Variants in PTPN3 observed in about 807,000 individuals in gnomAD.
The protein encoded by PTPN3 is protein tyrosine phosphatase non-receptor type 3.
In PTPN3, 96 loss-of-function variants were observed where a neutral mutation model predicts 132.7. The observed-to-expected ratio is 0.72, with a 90% CI of 0.61 to 0.86. PTPN3 has a LOEUF of 0.86. Ranked by LOEUF, PTPN3 falls within the 40% of genes least tolerant of loss-of-function variation. The pLI, the probability that PTPN3 is intolerant of heterozygous loss-of-function variation, is 0.00. For synonymous variants in PTPN3, 398 were observed against 429.0 expected (o/e 0.93, Z 0.89); for missense variants, 1,125 against 1,159.6 (o/e 0.97, Z 0.43).
chr9:109,491,657 T>C (rs1427972558), intron 1 of PTPN3, among the ~76,000 whole-genome samples: 3 of 152,216 alleles, frequency 2.0e-5, no homozygotes, highest in Admixed American at 6.5e-5. Flanking sequence ...AAAAGTGCTA[T>C]AATGGAGAGA....
chr9:109,379,678 T>G (rs754926897), intron 25 of PTPN3, 45 bp from the exon 26 acceptor site: 1 of 1,504,906 alleles, frequency 6.6e-7, no homozygotes, highest in Non-Finnish European at 9.3e-7. Context: ...CTCCAGGAAA[T>G]GCTGCCTACC....
intron 1 of PTPN3, among the ~76,000 whole-genome samples, chr9:109,471,671 C>CTT (rs34232860): frequency 1.6e-3 from 230 of 147,296 alleles, no homozygotes; most frequent in Middle Eastern, 3.5e-3. Flanking sequence ...ATGGAAGGCA[C>CTT]TTTTTTTTTT....
At chr9:109,494,668 C>G (rs1847604479) in intron 1 of PTPN3, among the ~76,000 whole-genome samples, 1 of 152,162 alleles carries the variant, frequency 6.6e-6, no homozygotes, top group Non-Finnish European at 1.5e-5. Context: ...GCTGCATCCT[C>G]TGGTGTCTCT....
At chr9:109,399,801 C>G (rs1467160938) in intron 19 of PTPN3, among the ~76,000 whole-genome samples, 1 of 152,078 alleles carries the variant, frequency 6.6e-6, no homozygotes, top group East Asian at 1.9e-4. Context: ...GGGGAATAGC[C>G]CCTTCCTCTT....
At chr9:109,492,525 T>C (rs1458110838) in intron 1 of PTPN3, among the ~76,000 whole-genome samples, 7 of 152,232 alleles carry the variant, frequency 4.6e-5, no homozygotes, top group Non-Finnish European at 7.3e-5. Context: ...GGACCCCTTT[T>C]CTATGCCAAG....
intron 1 of PTPN3, among the ~76,000 whole-genome samples, chr9:109,464,134 C>T (rs1845982221): frequency 1.3e-5 from 2 of 152,186 alleles, no homozygotes; most frequent in South Asian, 2.1e-4. Flanking sequence ...GGCAAAACCA[C>T]GGAGGGTGTG....
At position 109,398,862 on chromosome 9, in the gene PTPN3, T is replaced by A. The variant is rs115662073; in HGVS notation, c.1953+5586A>T. On this transcript the variant is annotated intron_variant, in intron 19 of 25. Transcript: ENST00000374541. ...AATGGACACTTCAACTCAGGGAACA[T>A]GTAGATTAATCTCCAAGTTTTTCTT... Among the ~76,000 whole-genome samples the A allele has an allele frequency of 3.9e-5, 6 of 152,280 alleles. No homozygotes were observed. In the East Asian group the frequency reaches 1.2e-3, roughly 29 times the overall value.
chr9:109,407,999 C>T (rs1841708634), intron 17 of PTPN3, among the ~76,000 whole-genome samples: 2 of 152,176 alleles, frequency 1.3e-5, no homozygotes, highest in Non-Finnish European at 2.9e-5. Flanking sequence ...AGCAGACTGC[C>T]TAAGTTTCCT....
In PTPN3 at chr9:109,457,276, T is replaced by C; in HGVS notation, c.246+16A>G. 1 of 1,612,370 alleles carries C rather than the reference T, an allele frequency of 6.2e-7. No homozygotes were observed. Among genetic ancestry groups the C allele is most frequent in the African/African-American group, 1.3e-5 (1 of 74,968 alleles). On this transcript the variant is annotated intron_variant, in intron 3 of 25. Transcript: ENST00000374541. Reference sequence around the variant, plus strand: ...CCGTGAAGGAGTTCAGCACATTTTTTAAAAATGGCACTTACAGGAGAGTCC... The same window carrying C: ...CCGTGAAGGAGTTCAGCACATTTTTCAAAAATGGCACTTACAGGAGAGTCC...
At chr9:109,443,075 A>AT (rs34673663) in intron 7 of PTPN3, among the ~76,000 whole-genome samples, 29,795 of 137,426 alleles carry the variant, frequency 0.22, 3,379 homozygotes, top group Admixed American at 0.26. Flanking sequence ...GAGACATCAG[A>AT]TTTTTTTTTT....
intron 21 of PTPN3, among the ~76,000 whole-genome samples, chr9:109,390,666 G>A (rs1259150222): frequency 6.6e-6 from 1 of 152,156 alleles, no homozygotes; most frequent in African/African-American, 2.4e-5. Context: ...TGCCCAAGAT[G>A]CGTTTTTAGA....
the PTPN3 span, chr9:109,534,383 G>T: frequency 1.0e-5 from 15 of 1,464,324 alleles, no homozygotes; most frequent in Non-Finnish European, 1.3e-5. Context: ...GGCTCCTCCC[G>T]GGGTGTGATG....
rs760502129 is a variant in PTPN3, at chr9:109,436,951, C to T, written c.607G>A (p.Ala203Thr). 2 of 1,613,948 alleles carry T rather than the reference C, an allele frequency of 1.2e-6. No individual in the cohort carries two copies. Among genetic ancestry groups the T allele is most frequent in the East Asian group, 2.2e-5 (1 of 44,872 alleles). ...GCTATGTTGATATAGCAGGATTCTG[C>T]TTCTGATTGTTTTAGCCCACTACGG... ...EQHSGLKQSEAESCYINIART... is the reference protein window; with the variant it reads ...EQHSGLKQSETESCYINIART... Residue 203 changes from alanine (A) to threonine (T), a missense_variant, in exon 9 of 26, where the codon GCA (alanine) becomes ACA (threonine). Physicochemically the swap from Ala to Thr is moderately conservative, Grantham distance 58. Transcript: ENST00000374541.
intron 1 of PTPN3, among the ~76,000 whole-genome samples, chr9:109,478,236 CA>C (rs1846783245): frequency 6.6e-6 from 1 of 152,196 alleles, no homozygotes; most frequent in Non-Finnish European, 1.5e-5. Flanking sequence ...TCAGGTTGAA[CA>C]AAACAAGCCA....
chr9:109,524,499 A>G, the PTPN3 span, among the ~76,000 whole-genome samples: 1 of 152,248 alleles, frequency 6.6e-6, no homozygotes, highest in African/African-American at 2.4e-5. Flanking sequence ...GCCCACACTC[A>G]GAATCATGAG....
chr9:109,469,820 G>A (rs1846283441), intron 1 of PTPN3, among the ~76,000 whole-genome samples: 1 of 152,168 alleles, frequency 6.6e-6, no homozygotes, highest in Non-Finnish European at 1.5e-5. Flanking sequence ...CATCAAGCTG[G>A]CCTAGCCCAA....
chr9:109,512,085 T>C, the PTPN3 span, among the ~76,000 whole-genome samples: 9,619 of 152,290 alleles, frequency 0.063, 464 homozygotes, highest in East Asian at 0.23. Flanking sequence ...ATCTGAGTGA[T>C]GCTGAGACAG....
At position 109,420,568 on chromosome 9, in the gene PTPN3, T is replaced by A; in HGVS notation, c.1169A>T (p.Lys390Met). The change falls in exon 14 of 26, where the codon AAG (lysine) becomes ATG (methionine). Residue 390 changes from lysine (K) to methionine (M), a missense_variant. Transcript: ENST00000374541. ...GTTATCTGCAGAAGAGTGGCGTGGC[T>A]TTCGGATTTCGTGCCGGAGCCGAGG... Reference protein sequence around the residue: ...RSPRLRHEIRKPRHSSADNLA... With the variant: ...RSPRLRHEIRMPRHSSADNLA... 1 of 1,611,802 alleles carries A rather than the reference T, an allele frequency of 6.2e-7. No individual in the cohort carries two copies. Among genetic ancestry groups the A allele is most frequent in the South Asian group, 1.1e-5 (1 of 90,950 alleles).
chr9:109,437,982 G>T (rs1326886346), intron 8 of PTPN3, 132 bp downstream of exon 8: 2 of 1,164,126 alleles, frequency 1.7e-6, no homozygotes, highest in African/African-American at 3.1e-5. Context: ...CAGCTCAAAG[G>T]TTCAAAAACC....
Sources: gnomAD v4.1 joint callset for allele counts (sites outside exome capture counted in the v4.1 genomes callset) on GRCh38, gnomAD v4.1.1 for gene constraint, MANE v1.5 for transcripts, NCBI Gene and HGNC (gene_info 2026-07-23, HGNC 2026-07-21) for gene names.